Variants in SH3RF3 observed in about 807,000 individuals in gnomAD.
SH3RF3 encodes SH3 domain containing ring finger 3.
A neutral mutation model predicts 66.3 loss-of-function variants in SH3RF3; 29 were observed. The ratio of observed to expected loss-of-function variants is 0.44; its 90% CI spans 0.33 to 0.60. SH3RF3 has a LOEUF of 0.60. Ranked by LOEUF, SH3RF3 falls within the 20% of genes least tolerant of loss-of-function variation. SH3RF3 has a pLI of 0.04. For synonymous variants in SH3RF3, 583 were observed against 532.0 expected (o/e 1.10, Z -1.32); for missense variants, 1,194 against 1,190.9 (o/e 1.00, Z -0.04).
At chr2:109,379,991 C>A (rs879333269) in intron 3 of SH3RF3, among the ~76,000 whole-genome samples, 1 of 152,098 alleles carries the variant, frequency 6.6e-6, no homozygotes, top group Non-Finnish European at 1.5e-5. Flanking sequence ...CCTTACCTTT[C>A]AATTGGATTA....
intron 1 of SH3RF3, among the ~76,000 whole-genome samples, chr2:109,164,523 C>T (rs1372244478): frequency 6.6e-6 from 1 of 152,182 alleles, no homozygotes; most frequent in East Asian, 1.9e-4. Flanking sequence ...TCGGCCAAGC[C>T]TGGCTGTTTC....
rs1446186485 is a variant in SH3RF3 at position 109,310,139 on chromosome 2, A to G, written c.574-37535A>G. Among the ~76,000 whole-genome samples the G allele has an allele frequency of 7.0e-4, 50 of 71,184 alleles. 1 individual carries two copies. Among genetic ancestry groups the G allele is most frequent in the Non-Finnish European group, 8.0e-4 (33 of 41,006 alleles). 46.7% of individuals were successfully genotyped at this position (71,184 alleles called of 152,430 possible). A position where few individuals can be genotyped will look rare whatever the true frequency, so the allele number is the denominator to read the frequency against. ...AAAAGAACAGAAATTATAACAAACT[A>G]TCTCTCAGACCACAGTGCAATCAAA... On this transcript the variant is annotated intron_variant, in intron 1 of 9. Transcript: ENST00000309415.
chr2:109,433,652 G>T (rs1452092266), intron 6 of SH3RF3, among the ~76,000 whole-genome samples: 1 of 152,210 alleles, frequency 6.6e-6, no homozygotes, highest in Non-Finnish European at 1.5e-5. Flanking sequence ...CTTGCAGAGT[G>T]GTCTCGGGAC....
chr2:109,257,002 T>G (rs1168292361), intron 1 of SH3RF3, among the ~76,000 whole-genome samples: 1 of 152,202 alleles, frequency 6.6e-6, no homozygotes, highest in Non-Finnish European at 1.5e-5. Flanking sequence ...AGACAGCCTG[T>G]GACCAGGCAC....
chr2:109,328,938 G>A (rs955093653), intron 1 of SH3RF3, among the ~76,000 whole-genome samples: 1 of 152,120 alleles, frequency 6.6e-6, no homozygotes, highest in Non-Finnish European at 1.5e-5. Context: ...GGTTGTTAAC[G>A]GGGTGGTCAT....
chr2:109,171,179 GTTTA>G (rs749541221), intron 1 of SH3RF3, among the ~76,000 whole-genome samples: 6 of 152,054 alleles, frequency 3.9e-5, no homozygotes, highest in African/African-American at 1.4e-4. Context: ...ACATTTTTTG[GTTTA>G]TTTATGTATA....
At position 109,494,576 on chromosome 2, in the gene SH3RF3, G is replaced by A. The variant is rs147703885; in HGVS notation, c.2480+3640G>A. On this transcript the variant is annotated intron_variant, in intron 9 of 9. Coordinates refer to ENST00000309415, the MANE Select transcript of SH3RF3 (RefSeq NM_001099289.3). ...CTTCCAGGCTTACTTTGGAGGAGGAGCTGCTGGGCTGCGCCCTGTGCAGAG... is the reference window on the plus strand; with the variant it reads ...CTTCCAGGCTTACTTTGGAGGAGGAACTGCTGGGCTGCGCCCTGTGCAGAG... Among the ~76,000 whole-genome samples the A allele has an allele frequency of 9.3e-3, 1,422 of 152,320 alleles. 27 individuals carry two copies. The highest frequency in any genetic ancestry group is 0.033 in the African/African-American group (1,368 of 41,578).
chr2:109,324,742 G>A (rs892065912), intron 1 of SH3RF3, among the ~76,000 whole-genome samples: 4 of 152,282 alleles, frequency 2.6e-5, no homozygotes, highest in East Asian at 3.9e-4. Context: ...CTGCATAAGC[G>A]CCAAATGACT....
At chr2:109,475,202 C>T (rs1256560714) in intron 8 of SH3RF3, among the ~76,000 whole-genome samples, 1 of 152,164 alleles carries the variant, frequency 6.6e-6, no homozygotes, top group African/African-American at 2.4e-5. Context: ...TGGTCTTGAT[C>T]TCTTGACCTC....
At chr2:109,437,296 T>G in intron 7 of SH3RF3, 150 bp downstream of exon 7, 1 of 1,304,114 alleles carries the variant, frequency 7.7e-7, no homozygotes, top group Non-Finnish European at 1.0e-6. Flanking sequence ...GGAAAACCGG[T>G]TTGGCCCCAG....
At chr2:109,238,837 G>A (rs1679713890) in intron 1 of SH3RF3, among the ~76,000 whole-genome samples, 1 of 152,132 alleles carries the variant, frequency 6.6e-6, no homozygotes, top group South Asian at 2.1e-4. Flanking sequence ...GAGGACAGCA[G>A]CCAGTGTGGG....
intron 1 of SH3RF3, among the ~76,000 whole-genome samples, chr2:109,164,564 C>T (rs775563402): frequency 3.9e-5 from 6 of 152,180 alleles, no homozygotes; most frequent in Admixed American, 2.0e-4. Context: ...ACTCTTCTAC[C>T]CATTCAAACT....
At chr2:109,378,627 G>A (rs1474586800) in intron 3 of SH3RF3, among the ~76,000 whole-genome samples, 1 of 152,176 alleles carries the variant, frequency 6.6e-6, no homozygotes, top group African/African-American at 2.4e-5. Flanking sequence ...TTGTTAAATT[G>A]CTTAGACTCA....
rs373362939 is a variant in SH3RF3 at position 109,370,364 on chromosome 2, C to T, written c.850-1222C>T. ...AAGCGATTCTCCTGCCTCAGACTCC[C>T]AAGTAGCTGGGACTACAGGTGCCTG... On this transcript the variant is annotated intron_variant, in intron 2 of 9. Transcript: ENST00000309415. Among the ~76,000 whole-genome samples the T allele has an allele frequency of 9.2e-5, 14 of 152,188 alleles. No homozygotes were observed. The East Asian group carries it at 1.4e-3, about 15-fold the overall frequency.
intron 1 of SH3RF3, among the ~76,000 whole-genome samples, chr2:109,294,721 T>C (rs933309672): frequency 6.6e-6 from 1 of 151,996 alleles, no homozygotes; most frequent in African/African-American, 2.4e-5. Context: ...GACACAGCCC[T>C]ACAGGGGAAG....
chr2:109,285,052 G>A (rs887051621), intron 1 of SH3RF3, among the ~76,000 whole-genome samples: 2 of 152,216 alleles, frequency 1.3e-5, no homozygotes, highest in Non-Finnish European at 2.9e-5. Context: ...CTCCATGGCC[G>A]GCCACACAGC....
chr2:109,249,850 AATTTTTTT>A (rs1388397939), intron 1 of SH3RF3, among the ~76,000 whole-genome samples: 1 of 147,860 alleles, frequency 6.8e-6, no homozygotes, highest in Non-Finnish European at 1.5e-5. Flanking sequence ...TTTATTTTTT[AATTTTTTT>A]ATTTTTTAGT....
chr2:109,420,787 C>T (rs1212977399), intron 5 of SH3RF3, among the ~76,000 whole-genome samples: 1 of 152,194 alleles, frequency 6.6e-6, no homozygotes, highest in Non-Finnish European at 1.5e-5. Context: ...TGAAGAGCAA[C>T]TTGCCAAGCT....
At chr2:109,362,837 A>G (rs1683076438) in intron 2 of SH3RF3, among the ~76,000 whole-genome samples, 1 of 152,118 alleles carries the variant, frequency 6.6e-6, no homozygotes, top group South Asian at 2.1e-4. Flanking sequence ...ATTTATTCTG[A>G]TAACTTTTCT....
Sources: allele counts gnomAD v4.1 joint callset (sites outside exome capture counted in the v4.1 genomes callset), GRCh38; gene constraint gnomAD v4.1.1; transcripts MANE v1.5; gene names NCBI Gene and HGNC (gene_info 2026-07-23, HGNC 2026-07-21).